MECOM: variants seen among roughly 807,000 people sequenced by gnomAD.
MECOM encodes the protein MDS1 and EVI1 complex locus.
A neutral mutation model predicts 116.3 loss-of-function variants in MECOM; 13 were observed. The observed-to-expected ratio is 0.11, with a 90% CI of 0.07 to 0.18. MECOM has a LOEUF of 0.18. Among genes scored for constraint, MECOM ranks in the 10% least tolerant of loss-of-function variants. MECOM has a pLI of 1.00. For missense variants in MECOM, 1,299 were observed against 1,509.0 expected, an observed-to-expected ratio of 0.86 and a Z score of 2.31; for synonymous variants, 528 against 535.2, an observed-to-expected ratio of 0.99 and a Z score of 0.19.
intron 1 of MECOM, among the ~76,000 whole-genome samples, chr3:169,486,306 T>C (rs1023032791): frequency 1.4e-4 from 21 of 151,820 alleles, no homozygotes; most frequent in Non-Finnish European, 2.1e-4. Context: ...AAGCAGCACA[T>C]GTAATGGCAT....
chr3:169,321,327 G>T (rs1198464790), intron 2 of MECOM, among the ~76,000 whole-genome samples: 1 of 152,168 alleles, frequency 6.6e-6, no homozygotes, highest in African/African-American at 2.4e-5. Context: ...GGATCACGAG[G>T]TCCGGAGATT....
intron 1 of MECOM, among the ~76,000 whole-genome samples, chr3:169,572,987 A>G (rs1438080447): frequency 6.6e-6 from 1 of 152,118 alleles, no homozygotes; most frequent in Non-Finnish European, 1.5e-5. Flanking sequence ...GAAAAAAAAA[A>G]TGCTATCACA....
intron 7 of MECOM, among the ~76,000 whole-genome samples, chr3:169,117,978 T>C (rs1275884446): frequency 1.3e-5 from 2 of 152,194 alleles, no homozygotes; most frequent in African/African-American, 2.4e-5. Context: ...TTGTTGGTAA[T>C]TGTTGAAGCA....
intron 1 of MECOM, among the ~76,000 whole-genome samples, chr3:169,406,460 T>G (rs1253875133): frequency 1.3e-5 from 2 of 152,204 alleles, no homozygotes; most frequent in African/African-American, 4.8e-5. Context: ...TATAGCTGCT[T>G]TGTACCATAA....
At chr3:169,239,338 T>C (rs1039895582) in intron 2 of MECOM, among the ~76,000 whole-genome samples, 2 of 151,962 alleles carry the variant, frequency 1.3e-5, no homozygotes, top group African/African-American at 4.8e-5. Flanking sequence ...GTATTTGAAA[T>C]ATATGGAGAA....
chr3:169,251,560 T>C (rs866455995), intron 2 of MECOM, among the ~76,000 whole-genome samples: 1 of 152,130 alleles, frequency 6.6e-6, no homozygotes, highest in South Asian at 2.1e-4. Context: ...CAAGAGCTTC[T>C]CTTATTCTTG....
chr3:169,376,400 C>A (rs1002419089), intron 2 of MECOM, among the ~76,000 whole-genome samples: 3 of 152,106 alleles, frequency 2.0e-5, no homozygotes, highest in African/African-American at 7.2e-5. Context: ...TCTCTGTTTG[C>A]AGATAACATG....
chr3:169,232,847 T>G (rs1331784698), intron 2 of MECOM, among the ~76,000 whole-genome samples: 1 of 152,038 alleles, frequency 6.6e-6, no homozygotes. Context: ...TAAACTCTAG[T>G]GCCAAGCTGA....
intron 1 of MECOM, among the ~76,000 whole-genome samples, chr3:169,573,876 T>A (rs1291478130): frequency 6.6e-6 from 1 of 152,186 alleles, no homozygotes; most frequent in South Asian, 2.1e-4. Flanking sequence ...GGAAATGAAA[T>A]AAAATGCTGC....
chr3:169,516,593 G>A (rs1756659455), intron 1 of MECOM, among the ~76,000 whole-genome samples: 1 of 152,062 alleles, frequency 6.6e-6, no homozygotes, highest in Non-Finnish European at 1.5e-5. Flanking sequence ...GAGACTCAGG[G>A]CTGTCAAACA....
chr3:169,642,170 A>C (rs1773570456), intron 1 of MECOM, among the ~76,000 whole-genome samples: 1 of 152,228 alleles, frequency 6.6e-6, no homozygotes, highest in Admixed American at 6.5e-5. Context: ...ACAAAATGGC[A>C]TAAAGAGAAT....
At chr3:169,578,076 A>C (rs900332532) in intron 1 of MECOM, among the ~76,000 whole-genome samples, 1 of 152,206 alleles carries the variant, frequency 6.6e-6, no homozygotes, top group South Asian at 2.1e-4. Context: ...ACTTATTGTC[A>C]TAAATATCAA....
At chr3:169,504,191 G>GTGTGTGTGTT (rs1249635619) in intron 1 of MECOM, among the ~76,000 whole-genome samples, 2 of 145,006 alleles carry the variant, frequency 1.4e-5, no homozygotes, top group Non-Finnish European at 3.0e-5. Context: ...GTGTGTGTGT[G>GTGTGTGTGTT]TTTAAATTAA....
At chr3:169,558,317 A>G (rs908629721) in intron 1 of MECOM, among the ~76,000 whole-genome samples, 2 of 152,210 alleles carry the variant, frequency 1.3e-5, no homozygotes, top group Non-Finnish European at 2.9e-5. Context: ...ACTGCTTTCA[A>G]AACGTATTTA....
intron 13 of MECOM, among the ~76,000 whole-genome samples, 184 bp downstream of exon 13, chr3:169,094,892 T>C (rs1316828841): frequency 6.6e-6 from 1 of 152,236 alleles, no homozygotes; most frequent in Non-Finnish European, 1.5e-5. Flanking sequence ...CACTGAATTA[T>C]AAATTAATGA....
At chr3:169,164,439 C>T (rs938780910) in intron 2 of MECOM, among the ~76,000 whole-genome samples, 1 of 152,096 alleles carries the variant, frequency 6.6e-6, no homozygotes, top group African/African-American at 2.4e-5. Context: ...ATATCTTTAT[C>T]AGCGGCATGA....
At chr3:169,344,625 G>T (rs1437921060) in intron 2 of MECOM, among the ~76,000 whole-genome samples, 1 of 152,096 alleles carries the variant, frequency 6.6e-6, no homozygotes, top group East Asian at 1.9e-4. Context: ...ATCTCTCAAA[G>T]GAACCTTTTA....
chr3:169,602,352 G>C (rs1767934014), intron 1 of MECOM, among the ~76,000 whole-genome samples: 1 of 152,190 alleles, frequency 6.6e-6, no homozygotes, highest in Admixed American at 6.5e-5. Flanking sequence ...TACAAGAAGA[G>C]AGGCTGGAAT....
chr3:169,485,028 T>G (rs1751940793), intron 1 of MECOM, among the ~76,000 whole-genome samples: 1 of 152,168 alleles, frequency 6.6e-6, no homozygotes, highest in South Asian at 2.1e-4. Context: ...GGAGTTTCAC[T>G]CTTTCACCCA....
Sources: allele counts gnomAD v4.1 joint callset (sites outside exome capture counted in the v4.1 genomes callset), GRCh38; gene constraint gnomAD v4.1.1; transcripts MANE v1.5; gene names NCBI Gene and HGNC (gene_info 2026-07-23, HGNC 2026-07-21).